DMD: variants seen among roughly 807,000 people sequenced by gnomAD.
DMD encodes mutant dystrophin.
In DMD, 63 loss-of-function variants were observed where a neutral mutation model predicts 330.1. The ratio of observed to expected loss-of-function variants is 0.19; its 90% confidence interval spans 0.16 to 0.24. The LOEUF is 0.24. Ranked by LOEUF, DMD falls within the 10% of genes least tolerant of loss-of-function variation. DMD has a pLI of 1.00. For synonymous variants in DMD, 1,223 were observed against 959.8 expected (o/e 1.27, Z -5.07); for missense variants, 3,344 against 2,684.1 (o/e 1.25, Z -5.43).
At chrX:33,050,019 A>C (rs2094437922) in intron 1 of DMD, among the ~76,000 whole-genome samples, 1 of 112,074 alleles carries the variant, frequency 8.9e-6, no homozygotes, top group African/African-American at 3.2e-5. Flanking sequence ...TGTATTTAAA[A>C]GTGGTCTTTT....
intron 60 of DMD, among the ~76,000 whole-genome samples, chrX:31,365,503 C>A (rs1179023079): frequency 8.9e-6 from 1 of 112,082 alleles, no homozygotes; most frequent in Non-Finnish European, 1.9e-5. Context: ...AAAGGAGATT[C>A]TGTGTTACAA....
intron 2 of DMD, among the ~76,000 whole-genome samples, chrX:32,970,424 AC>A (rs1413252915): frequency 1.1e-5 from 1 of 93,987 alleles, no homozygotes; most frequent in East Asian, 3.3e-4. Context: ...CATCTCATGT[AC>A]CCCATAAATA....
chrX:32,933,101 G>C (rs1277127464), intron 2 of DMD, among the ~76,000 whole-genome samples: 1 of 111,358 alleles, frequency 9.0e-6, no homozygotes, highest in East Asian at 2.8e-4. Context: ...CATGGTTTAT[G>C]AAAGAAATGG....
rs1435727 is a variant in DMD, at chrX:32,595,943, T to A, written c.1483-67A>T. ...TTACATGTGTGTTGAAATGATTTGC[T>A]CTCAAATGGTGAAATTTATTTCTGC... On this transcript the variant is annotated intron_variant, in intron 12 of 78. Transcript: ENST00000357033. The A allele has an allele frequency of 0.047, 45,323 of 973,419 alleles. 825 individuals carry two copies. The highest frequency in any genetic ancestry group is 0.063 in the Middle Eastern group (239 of 3,771). 80.2% of individuals were successfully genotyped at this position (973,419 alleles called of 1,213,427 possible).
intron 50 of DMD, among the ~76,000 whole-genome samples, chrX:31,775,646 A>C (rs2090609091): frequency 9.0e-6 from 1 of 111,718 alleles, no homozygotes; most frequent in Non-Finnish European, 1.9e-5. Flanking sequence ...TCTCAACAGG[A>C]GACTCACACT....
intron 34 of DMD, among the ~76,000 whole-genome samples, chrX:32,378,454 T>G (rs1308438243): frequency 9.1e-6 from 1 of 110,271 alleles, no homozygotes; most frequent in Non-Finnish European, 1.9e-5. Context: ...AAACTGATAC[T>G]ATTTAACTAT....
chrX:33,094,700 C>T (rs1409720138), intron 1 of DMD, among the ~76,000 whole-genome samples: 1 of 107,458 alleles, frequency 9.3e-6, no homozygotes, highest in African/African-American at 3.4e-5. Context: ...CCCAGCTACT[C>T]GGGAGGCTGA....
rs952316961 is a variant in DMD at position 31,946,172 on chromosome X, G to T, written c.6615-13945C>A. On this transcript the variant is annotated intron_variant, in intron 45 of 78. Transcript: ENST00000357033. ...TTACTTAGATTGAAAAGGCTGTGGT[G>T]GTTGTAACAGTGAGTCCCTCTGAGT... Among the ~76,000 whole-genome samples, 8 of 112,036 alleles carry T rather than the reference G, an allele frequency of 7.1e-5. No individual in the cohort carries two copies. In the East Asian group the frequency reaches 2.0e-3, roughly 28 times the overall value.
intron 1 of DMD, among the ~76,000 whole-genome samples, chrX:33,261,928 A>T (rs899930070): frequency 8.0e-5 from 8 of 100,453 alleles, no homozygotes; most frequent in Non-Finnish European, 1.6e-4. Context: ...GCAGAAAACC[A>T]CCACCACCAC....
At chrX:31,837,463 T>C (rs1156916041) in intron 48 of DMD, among the ~76,000 whole-genome samples, 1 of 112,301 alleles carries the variant, frequency 8.9e-6, no homozygotes, top group South Asian at 3.7e-4. Flanking sequence ...AGCATTTTGT[T>C]ACTGTCTGCT....
intron 55 of DMD, among the ~76,000 whole-genome samples, chrX:31,588,343 A>G (rs907908462): frequency 3.6e-5 from 4 of 110,969 alleles, no homozygotes; most frequent in Non-Finnish European, 5.7e-5. Flanking sequence ...CGTATCCCCA[A>G]CTACCTTCTT....
At chrX:31,895,846 C>T (rs758816203) in intron 47 of DMD, among the ~76,000 whole-genome samples, 24 of 111,804 alleles carry the variant, frequency 2.1e-4, no homozygotes, top group South Asian at 7.4e-4. Context: ...CTCTAAAGCG[C>T]GGCATAATTT....
At chrX:31,212,166 ATGTGTGTGTGTATGTG>A (rs1180700347) in intron 64 of DMD, among the ~76,000 whole-genome samples, 2 of 85,136 alleles carry the variant, frequency 2.3e-5, no homozygotes, top group South Asian at 6.9e-4. Flanking sequence ...ATATATATAT[ATGTGTGTGTGTATGTG>A]TGTGTGTGTG....
At chrX:31,922,188 C>T (rs1453543349) in intron 47 of DMD, among the ~76,000 whole-genome samples, 1 of 111,162 alleles carries the variant, frequency 9.0e-6, no homozygotes, top group Non-Finnish European at 1.9e-5. Context: ...CCATAAAAAA[C>T]AAAGAGGACA....
chrX:32,434,865 G>A (rs2098253191), intron 29 of DMD, among the ~76,000 whole-genome samples: 1 of 111,270 alleles, frequency 9.0e-6, no homozygotes, highest in Non-Finnish European at 1.9e-5. Flanking sequence ...ATTTGAGAAG[G>A]ATATTATGTT....
rs757193834 is a variant in DMD at position 33,338,771 on chromosome X, G to A, written c.7+488C>T. On this transcript the variant is annotated intron_variant, in intron 1 of 17. Transcript: ENST00000288447. ...ATGTCAAAAGCTAGAAATTGATGAG[G>A]AGAAATGACTGACAGCCAAACTCCT... is the stretch of plus-strand genomic sequence containing the variant. 3.6e-5 allele frequency among the ~76,000 whole-genome samples: 4 copies of A among 111,539 alleles called. No homozygotes were observed. In the South Asian group the frequency reaches 1.5e-3, roughly 42 times the overall value.
chrX:31,628,676 G>A (rs1485673671), intron 54 of DMD, among the ~76,000 whole-genome samples: 1 of 110,102 alleles, frequency 9.1e-6, no homozygotes, highest in African/African-American at 3.3e-5. Context: ...TACGTGATAT[G>A]GCAAGTTCCC....
intron 21 of DMD, among the ~76,000 whole-genome samples, chrX:32,475,757 T>G (rs1220005332): frequency 1.8e-5 from 2 of 111,173 alleles, no homozygotes; most frequent in Non-Finnish European, 3.8e-5. Flanking sequence ...AATTATTTTA[T>G]CAGTTCTAGA....
chrX:31,504,097 T>C (rs16989677), intron 56 of DMD, among the ~76,000 whole-genome samples: 2,391 of 111,348 alleles, frequency 0.021, 34 homozygotes, highest in African/African-American at 0.046. Context: ...GAGGGAGATA[T>C]GGAGACCTAC....
Sources: allele counts gnomAD v4.1 joint callset (sites outside exome capture counted in the v4.1 genomes callset), GRCh38; gene constraint gnomAD v4.1.1; transcripts MANE v1.5; gene names NCBI Gene and HGNC (gene_info 2026-07-23, HGNC 2026-07-21).